EYS: variants seen among roughly 807,000 people sequenced by gnomAD.
EYS encodes the protein protein eyes shut homolog.
A neutral mutation model predicts 282.1 loss-of-function variants in EYS; 250 were observed. The ratio of observed to expected loss-of-function variants is 0.89; its 90% confidence interval spans 0.80 to 0.98. The LOEUF (loss-of-function observed/expected upper bound fraction) is 0.98, where lower values mean the gene tolerates loss of function less well. EYS is among the 50% of genes least tolerant of loss of function. The pLI is 0.00. For synonymous variants in EYS, 1,355 were observed against 1,282.9 expected (o/e 1.06, Z -1.20); for missense variants, 4,016 against 3,709.0 (o/e 1.08, Z -2.15).
intron 13 of EYS, among the ~76,000 whole-genome samples, chr6:65,042,883 A>G (rs1271149837): frequency 2.6e-5 from 4 of 151,114 alleles, no homozygotes; most frequent in African/African-American, 9.7e-5. Context: ...TGTTTACGAG[A>G]TACTTTAAAA....
intron 35 of EYS, among the ~76,000 whole-genome samples, chr6:63,967,421 G>C (rs1195902084): frequency 6.6e-6 from 1 of 152,176 alleles, no homozygotes; most frequent in African/African-American, 2.4e-5. Flanking sequence ...ATGGACAATA[G>C]AATATATTTT....
chr6:65,371,204 A>G (rs916960572), intron 8 of EYS, among the ~76,000 whole-genome samples: 1 of 151,828 alleles, frequency 6.6e-6, no homozygotes, highest in East Asian at 1.9e-4. Flanking sequence ...AAAATACAGT[A>G]TAACAACATA....
At chr6:65,291,714 A>C (rs1238049086) in intron 12 of EYS, among the ~76,000 whole-genome samples, 1 of 151,564 alleles carries the variant, frequency 6.6e-6, no homozygotes, top group African/African-American at 2.4e-5. Flanking sequence ...AGCTCTGTGG[A>C]GACTCATCTT....
chr6:64,391,469 T>G (rs1482242321), intron 28 of EYS, among the ~76,000 whole-genome samples: 2 of 151,652 alleles, frequency 1.3e-5, no homozygotes, highest in African/African-American at 2.4e-5. Flanking sequence ...GGGGCCAATA[T>G]TCAACATTCT....
At chr6:65,365,507 A>C (rs12212035) in intron 8 of EYS, among the ~76,000 whole-genome samples, 102,650 of 151,334 alleles carry the variant, frequency 0.68, 35,074 homozygotes, top group South Asian at 0.71. Flanking sequence ...GAACTTTCAG[A>C]AATTGATGTT....
intron 35 of EYS, among the ~76,000 whole-genome samples, chr6:63,960,581 A>G (rs1766015528): frequency 6.6e-6 from 1 of 152,208 alleles, no homozygotes; most frequent in African/African-American, 2.4e-5. Flanking sequence ...ATCTTTCATG[A>G]CAAGAAGAGT....
chr6:64,706,758 A>G (rs374666403), intron 22 of EYS, among the ~76,000 whole-genome samples: 68 of 152,294 alleles, frequency 4.5e-4, no homozygotes, highest in African/African-American at 1.4e-3. Context: ...CAAAACCACA[A>G]TACAATACCA....
intron 33 of EYS, among the ~76,000 whole-genome samples, chr6:64,028,803 G>A (rs539849258): frequency 1.1e-4 from 17 of 152,284 alleles, no homozygotes; most frequent in African/African-American, 3.4e-4. Context: ...GTGCCAGCAG[G>A]CTACTCTAGA....
intron 22 of EYS, among the ~76,000 whole-genome samples, chr6:64,727,366 C>CT (rs1291317052): frequency 1.3e-5 from 2 of 152,018 alleles, no homozygotes; most frequent in Non-Finnish European, 1.5e-5. Flanking sequence ...ATTTATTAGA[C>CT]TTTTAGTTTG....
At chr6:65,556,892 A>G (rs1768829490) in intron 2 of EYS, among the ~76,000 whole-genome samples, 1 of 152,166 alleles carries the variant, frequency 6.6e-6, no homozygotes, top group African/African-American at 2.4e-5. Flanking sequence ...TATCACATGT[A>G]CTTAATTCTT....
chr6:64,227,839 A>G (rs1243281896), intron 31 of EYS, among the ~76,000 whole-genome samples: 1 of 152,076 alleles, frequency 6.6e-6, no homozygotes, highest in African/African-American at 2.4e-5. Flanking sequence ...AATCGTAAGC[A>G]TTTAATACTA....
At chr6:65,253,002 A>G (rs1767366563) in intron 12 of EYS, among the ~76,000 whole-genome samples, 1 of 151,980 alleles carries the variant, frequency 6.6e-6, no homozygotes, top group African/African-American at 2.4e-5. Context: ...GTACCAAGAA[A>G]AGAGATGAAA....
At chr6:64,986,280 T>A (rs188609169) in intron 14 of EYS, among the ~76,000 whole-genome samples, 14 of 151,648 alleles carry the variant, frequency 9.2e-5, no homozygotes, top group African/African-American at 3.4e-4. Flanking sequence ...GCTACATCTA[T>A]CTTTTTTCTA....
intron 41 of EYS, among the ~76,000 whole-genome samples, chr6:63,760,327 G>T (rs1468385170): frequency 1.3e-5 from 2 of 152,014 alleles, no homozygotes; most frequent in South Asian, 4.1e-4. Flanking sequence ...TAACAGGAAA[G>T]ATAGCTATAA....
chr6:64,398,669 T>C (rs1421337642), intron 28 of EYS, among the ~76,000 whole-genome samples: 1 of 151,896 alleles, frequency 6.6e-6, no homozygotes, highest in Non-Finnish European at 1.5e-5. Flanking sequence ...GTATGCACCT[T>C]TTTTCTTCTT....
chr6:65,494,761 C>T lies in EYS; in HGVS notation c.650G>A (p.Cys217Tyr), dbSNP rs1222379109. 1.9e-6 allele frequency: 3 copies of T among 1,613,900 alleles called. No homozygotes were observed. Among genetic ancestry groups the T allele is most frequent in the Non-Finnish European group, 2.5e-6 (3 of 1,179,968 alleles). ...ATTATTTTTACATGGTTTAAAAGAA[C>T]ATGCATCAAGTTCCTGGCAGTATTT... ...SGKYCQELDACSFKPCKNNGS... is the reference protein window; with the variant it reads ...SGKYCQELDAYSFKPCKNNGS... Residue 217 changes from cysteine to tyrosine, a missense_variant, in exon 4 of 43, where the codon TGT (cysteine) becomes TAT (tyrosine). Transcript: ENST00000503581.
intron 30 of EYS, among the ~76,000 whole-genome samples, chr6:64,259,733 C>T (rs1323631912): frequency 6.6e-6 from 1 of 151,832 alleles, no homozygotes; most frequent in African/African-American, 2.4e-5. Flanking sequence ...TTTCTCTATC[C>T]TATTGCAATC....
intron 5 of EYS, among the ~76,000 whole-genome samples, chr6:65,445,590 C>A (rs1000162863): frequency 6.6e-6 from 1 of 151,538 alleles, no homozygotes; most frequent in Non-Finnish European, 1.5e-5. Flanking sequence ...AAAAAATTTA[C>A]CTGACAGCCA....
chr6:64,571,194 C>T (rs1765714635), intron 26 of EYS, among the ~76,000 whole-genome samples: 1 of 151,990 alleles, frequency 6.6e-6, no homozygotes, highest in Non-Finnish European at 1.5e-5. Flanking sequence ...AGTTAAATAA[C>T]AAAATTAAGG....
Sources: allele counts gnomAD v4.1 joint callset (sites outside exome capture counted in the v4.1 genomes callset), GRCh38; gene constraint gnomAD v4.1.1; transcripts MANE v1.5; gene names NCBI Gene and HGNC (gene_info 2026-07-23, HGNC 2026-07-21).